ATRNL1: variants seen among roughly 807,000 people sequenced by gnomAD.
ATRNL1 encodes the protein attractin like 1.
Under a neutral mutation model 182.7 loss-of-function variants are expected in ATRNL1, and 95 were observed. The ratio of observed to expected loss-of-function variants is 0.52; its 90% confidence interval spans 0.44 to 0.62. ATRNL1 has a LOEUF of 0.62. ATRNL1 is among the 20% of genes least tolerant of loss of function. The pLI, the probability that ATRNL1 is intolerant of heterozygous loss-of-function variation, is 0.00. For synonymous variants in ATRNL1, 576 were observed against 568.3 expected, an observed-to-expected ratio of 1.01 and a Z score of -0.19; for missense variants, 1,471 against 1,679.5, an observed-to-expected ratio of 0.88 and a Z score of 2.17.
intron 27 of ATRNL1, among the ~76,000 whole-genome samples, chr10:115,758,348 T>A (rs1227925751): frequency 2.8e-4 from 2 of 7,110 alleles, no homozygotes; most frequent in Non-Finnish European, 1.5e-3. Flanking sequence ...TATTCCTTTC[T>A]GTTTGATAGT....
At chr10:115,423,301 A>C (rs1845728164) in intron 20 of ATRNL1, among the ~76,000 whole-genome samples, 1 of 152,156 alleles carries the variant, frequency 6.6e-6, no homozygotes, top group Non-Finnish European at 1.5e-5. Context: ...TGGGAGGCTG[A>C]GGTGAGTGAA....
In ATRNL1 at chr10:115,598,594, C is replaced by A. The variant is rs1002893354; in HGVS notation, c.3795+49058C>A. Among the ~76,000 whole-genome samples the A allele has an allele frequency of 9.9e-5, 15 of 151,698 alleles. No individual in the cohort carries two copies. In the East Asian group the frequency reaches 2.9e-3, roughly 30 times the overall value. ...GGGCAGGATGGTCTCAATCTGCTGA[C>A]CTTGTGATCCACCTGCCTCAGCCTC... On this transcript the variant is annotated intron_variant, in intron 26 of 28. Coordinates refer to ENST00000355044, the MANE Select transcript of ATRNL1 (RefSeq NM_207303.4).
chr10:115,450,225 AC>A (rs1264502497), intron 21 of ATRNL1, among the ~76,000 whole-genome samples: 1 of 152,194 alleles, frequency 6.6e-6, no homozygotes, highest in African/African-American at 2.4e-5. Context: ...CTGGCACAAG[AC>A]AAGGATGCCC....
intron 12 of ATRNL1, among the ~76,000 whole-genome samples, chr10:115,267,876 C>T (rs1239483542): frequency 5.9e-5 from 9 of 152,108 alleles, no homozygotes; most frequent in African/African-American, 2.2e-4. Context: ...ATTCTGCTGC[C>T]TTAGCTTTCC....
chr10:115,671,773 T>G (rs1945703942), intron 26 of ATRNL1, among the ~76,000 whole-genome samples: 1 of 152,126 alleles, frequency 6.6e-6, no homozygotes, highest in Non-Finnish European at 1.5e-5. Flanking sequence ...GAAGTTTGTT[T>G]GTAAGTAATG....
intron 28 of ATRNL1, among the ~76,000 whole-genome samples, chr10:115,900,736 A>G (rs1014899464): frequency 2.2e-4 from 34 of 152,336 alleles, no homozygotes; most frequent in Middle Eastern, 3.4e-3. Flanking sequence ...GAAGTCTGTT[A>G]TTTTAATCAC....
intron 10 of ATRNL1, among the ~76,000 whole-genome samples, chr10:115,252,710 G>T (rs898200993): frequency 1.3e-5 from 2 of 152,010 alleles, no homozygotes; most frequent in African/African-American, 4.8e-5. Context: ...TCTATAATTG[G>T]CAGTCTCGTT....
chr10:115,148,904 C>G (rs1490301897), intron 5 of ATRNL1, among the ~76,000 whole-genome samples: 1 of 151,972 alleles, frequency 6.6e-6, no homozygotes, highest in Non-Finnish European at 1.5e-5. Context: ...TGTGCGCCAC[C>G]ACACCCAGGT....
chr10:115,248,738 A>G (rs2133836941), intron 10 of ATRNL1, among the ~76,000 whole-genome samples: 1 of 152,266 alleles, frequency 6.6e-6, no homozygotes, highest in Middle Eastern at 3.4e-3. Context: ...TGCTTATTTT[A>G]GAATATTAAA....
At chr10:115,536,034 C>A (rs1851972469) in intron 25 of ATRNL1, among the ~76,000 whole-genome samples, 1 of 151,848 alleles carries the variant, frequency 6.6e-6, no homozygotes, top group Non-Finnish European at 1.5e-5. Context: ...GGGAGCCTCC[C>A]AGTTAGGCTT....
In ATRNL1 at chr10:115,570,592, C is replaced by T. The variant is rs145253471; in HGVS notation, c.3795+21056C>T. On this transcript the variant is annotated intron_variant, in intron 26 of 28. Coordinates refer to ENST00000355044, the MANE Select transcript of ATRNL1 (RefSeq NM_207303.4). ...GTATACTATTAGCTTGGTCACCCCC[C>T]AGTGACCTCAGTATCCAGATTTTCA... 2.7e-3 allele frequency among the ~76,000 whole-genome samples: 407 copies of T among 152,254 alleles called. 4 individuals carry two copies. Among genetic ancestry groups the T allele is most frequent in the Middle Eastern group, 0.014 (4 of 294 alleles).
At chr10:115,652,199 A>G (rs1555034528) in intron 26 of ATRNL1, among the ~76,000 whole-genome samples, 1 of 151,832 alleles carries the variant, frequency 6.6e-6, no homozygotes, top group East Asian at 1.9e-4. Context: ...CTATCCAAAC[A>G]TACCTGCCAG....
rs74159842 is a variant in ATRNL1, at chr10:115,241,232, G to T, written c.1533-339G>T. Among the ~76,000 whole-genome samples, 545 of 151,614 alleles carry T rather than the reference G, an allele frequency of 3.6e-3. 3 individuals carry two copies. Among genetic ancestry groups the T allele is most frequent in the African/African-American group, 0.013 (525 of 41,434 alleles). The stretch of plus-strand genomic sequence containing the variant: ...ACTATATTTAACTTTTTACTTATTT[G>T]GTATTTTAAAATGATGTTTTGGGCC... On this transcript the variant is annotated intron_variant, in intron 9 of 28. Coordinates refer to ENST00000355044, the MANE Select transcript of ATRNL1 (RefSeq NM_207303.4).
chr10:115,536,401 A>G (rs2133768969), intron 25 of ATRNL1, among the ~76,000 whole-genome samples: 1 of 152,320 alleles, frequency 6.6e-6, no homozygotes. Flanking sequence ...CCGTGGGCGT[A>G]GGACCCTCCG....
chr10:115,301,724 ACCT>A (rs1441161253), intron 16 of ATRNL1, 128 bp from the exon 17 acceptor site: 1 of 633,130 alleles, frequency 1.6e-6, no homozygotes, highest in African/African-American at 1.9e-5. Flanking sequence ...GTTTTTATCT[ACCT>A]CATCATATTA....
In ATRNL1 at chr10:115,192,736, A is replaced by G. The variant is rs559364302; in HGVS notation, c.1348+21444A>G. On this transcript the variant is annotated intron_variant, in intron 8 of 28. Transcript: ENST00000355044. ...TCCGTTTTTTTGTGTATTCTCTTCA[A>G]TTTCTTTCATCAGTGTCTTATAATT... 1.9e-4 allele frequency among the ~76,000 whole-genome samples: 28 copies of G among 150,808 alleles called. 1 individual carries two copies. The East Asian group carries it at 4.1e-3, about 22-fold the overall frequency.
Position 115,320,683 on chromosome 10 carries a change from G to A in ATRNL1, c.3037+4947G>A, listed in dbSNP as rs912844003. On this transcript the variant is annotated intron_variant, in intron 18 of 28. Transcript: ENST00000355044. ...ATTTTTTCTTCCACTTCGTCACTTCGGCTATTGATACTTGTGTTTGCTTCA... is the reference window on the plus strand; with the variant it reads ...ATTTTTTCTTCCACTTCGTCACTTCAGCTATTGATACTTGTGTTTGCTTCA... Among the ~76,000 whole-genome samples the A allele has an allele frequency of 5.9e-5, 9 of 151,600 alleles. No homozygotes were observed. The South Asian group carries it at 1.9e-3, about 32-fold the overall frequency.
At chr10:115,329,060 A>C (rs1441002616) in intron 18 of ATRNL1, among the ~76,000 whole-genome samples, 6 of 152,060 alleles carry the variant, frequency 3.9e-5, no homozygotes, top group Non-Finnish European at 7.4e-5. Context: ...TTGATGTACC[A>C]ATTTACATTC....
chr10:115,171,132 T>C lies in ATRNL1; in HGVS notation c.1188T>C (p.Ser396=). 6.2e-7 allele frequency: 1 copy of C among 1,610,914 alleles called. No individual in the cohort carries two copies. ...WVFNIHSQSW[S]TKTPTVLGHG... ...TTAACATACATAGTCAGTCATGGAG[T>C]ACAAAAACTCCTACTGTTCTTGGAC... Residue 396 remains serine (S), a synonymous_variant, in exon 8 of 29, where the codon AGT becomes AGC. Transcript: ENST00000355044.
Sources: allele counts gnomAD v4.1 joint callset (sites outside exome capture counted in the v4.1 genomes callset), GRCh38; gene constraint gnomAD v4.1.1; transcripts MANE v1.5; gene names NCBI Gene and HGNC (gene_info 2026-07-23, HGNC 2026-07-21).